Variants in FTCD observed in about 807,000 individuals in gnomAD.
FTCD encodes the protein formimidoyltransferase-cyclodeaminase.
Under a neutral mutation model 62.9 loss-of-function variants are expected in FTCD, and 76 were observed. That is an observed-to-expected ratio of 1.21 (90% CI 1.00 to 1.46). The LOEUF is 1.46. FTCD is among the 40% of genes most tolerant of loss of function. FTCD has a pLI of 0.00. For missense variants in FTCD, 845 were observed against 751.3 expected (o/e 1.12, Z -1.46); for synonymous variants, 397 against 336.9 (o/e 1.18, Z -1.95).
chr21:46,147,676 C>T (rs552772727), intron 7 of FTCD, among the ~76,000 whole-genome samples: 2 of 152,164 alleles, frequency 1.3e-5, no homozygotes, highest in South Asian at 4.2e-4. Flanking sequence ...CGGTGGCTCA[C>T]GCCTGTAATC....
At chr21:46,152,670 G>C in intron 3 of FTCD, 1 of 466,686 alleles carries the variant, frequency 2.1e-6, no homozygotes, top group Non-Finnish European at 3.8e-6. Context: ...AAGGCTCTTG[G>C]TTTGCCTGTG....
chr21:46,139,129 C>T lies in FTCD; in HGVS notation c.1261-206G>A, dbSNP rs527723107. 1.1e-4 allele frequency: 67 copies of T among 612,908 alleles called. No individual in the cohort carries two copies. In the African/African-American group the frequency reaches 1.2e-3, roughly 11 times the overall value. 38.0% of individuals were successfully genotyped at this position (612,908 alleles called of 1,614,324 possible). ...GGGTAGGGGGGGTCGGGGCACACAG[C>T]AGATGGTCAGAGACCCGGGGATGTG... On this transcript the variant is annotated intron_variant, in intron 10 of 13. Coordinates refer to ENST00000397746, the MANE Select transcript of FTCD (RefSeq NM_206965.2).
In FTCD at chr21:46,137,296, T is replaced by A; in HGVS notation, c.1482A>T (p.Ala494=). 2 of 1,613,902 alleles carry A rather than the reference T, an allele frequency of 1.2e-6. No homozygotes were observed. Among genetic ancestry groups the A allele is most frequent in the Non-Finnish European group, 1.7e-6 (2 of 1,180,004 alleles). The change falls in exon 13 of 14, where the codon GCA becomes GCT. Residue 494 remains alanine (A), a synonymous_variant. Coordinates refer to ENST00000397746, the MANE Select transcript of FTCD (RefSeq NM_206965.2). The part of the protein sequence containing the change: ...AKALEMGVFG[A]YFNVLINLRD... ...TCAGGTTGATGAGCACGTTGAAATA[T>A]GCGCCAAACACGCCCATCTCCAGGG... is the stretch of plus-strand genomic sequence containing the variant.
rs377001864 is a variant in FTCD at position 46,155,494 on chromosome 21, G to T, written c.30C>A (p.Asn10Lys). ...CCTCCTGGTTCTTCCCCTCCGAAAAGTTGGGGACGCATTCCACCAGCTGGG... is the reference window on the plus strand; with the variant it reads ...CCTCCTGGTTCTTCCCCTCCGAAAATTTGGGGACGCATTCCACCAGCTGGG... Reference protein sequence around the residue: MSQLVECVPNFSEGKNQEVI... With the variant: MSQLVECVPKFSEGKNQEVI... Residue 10 changes from asparagine (N) to lysine (K), a missense_variant, in exon 1 of 14, where the codon AAC becomes AAA. By Grantham distance (94) the Asn-to-Lys change is moderately conservative. Coordinates refer to ENST00000397746, the MANE Select transcript of FTCD (RefSeq NM_206965.2). The T allele has an allele frequency of 6.8e-6, 11 of 1,612,996 alleles. No homozygotes were observed. The South Asian group carries it at 1.2e-4, about 18-fold the overall frequency.
intron 5 of FTCD, 88 bp downstream of exon 5, chr21:46,151,470 C>G (rs1294807584): frequency 1.0e-6 from 1 of 979,646 alleles, no homozygotes; most frequent in Non-Finnish European, 1.4e-6. Context: ...TGCCCCATCC[C>G]CACCGACCTC....
intron 10 of FTCD, among the ~76,000 whole-genome samples, chr21:46,141,612 C>G (rs572868454): frequency 6.6e-6 from 1 of 151,744 alleles, no homozygotes; most frequent in Non-Finnish European, 1.5e-5. Flanking sequence ...ACACATTCCA[C>G]GACATAAAGA....
intron 3 of FTCD, 22 bp from the exon 4 acceptor site, chr21:46,152,002 A>G: frequency 1.3e-6 from 2 of 1,533,386 alleles, no homozygotes; most frequent in Non-Finnish European, 1.8e-6. Context: ...CCCGGCGGTC[A>G]GGCCTGGACC....
chr21:46,153,756 C>G (rs1326981980), intron 2 of FTCD, among the ~76,000 whole-genome samples: 1 of 152,236 alleles, frequency 6.6e-6, no homozygotes, highest in East Asian at 1.9e-4. Flanking sequence ...AGGTGTTTGG[C>G]TTGTGGGCTG....
chr21:46,146,127 G>C, intron 8 of FTCD, 139 bp downstream of exon 8: 1 of 763,030 alleles, frequency 1.3e-6, no homozygotes, highest in South Asian at 1.6e-5. Flanking sequence ...ACCCCGGCTT[G>C]GCGCAGGCCG....
chr21:46,153,429 C>T (rs1054986300), intron 2 of FTCD, among the ~76,000 whole-genome samples: 10 of 152,206 alleles, frequency 6.6e-5, no homozygotes, highest in African/African-American at 1.2e-4. Flanking sequence ...CAAGAGGGGG[C>T]GCTCGAGGCT....
intron 7 of FTCD, among the ~76,000 whole-genome samples, chr21:46,147,942 CAAAAAA>C (rs3057182): frequency 1.0e-5 from 1 of 96,178 alleles, no homozygotes; most frequent in Admixed American, 1.2e-4. Context: ...GGCTCCATCT[CAAAAAA>C]AAAAAAAAAA....
intron 4 of FTCD, 28 bp from the exon 5 acceptor site, chr21:46,151,765 A>T (rs1379648276): frequency 2.5e-6 from 4 of 1,610,816 alleles, no homozygotes; most frequent in Middle Eastern, 1.8e-4. Flanking sequence ...CTGGGGTGAG[A>T]CATCCCCCAC....
At chr21:46,155,438 C>G (rs901449181) in intron 1 of FTCD, 32 bp downstream of exon 1, 7 of 1,585,138 alleles carry the variant, frequency 4.4e-6, no homozygotes, top group South Asian at 1.1e-5. Context: ...CCCCATCAGC[C>G]CTAGATGCTT....
intron 10 of FTCD, among the ~76,000 whole-genome samples, chr21:46,144,222 C>G (rs570141061): frequency 6.6e-6 from 1 of 151,580 alleles, no homozygotes; most frequent in Non-Finnish European, 1.5e-5. Context: ...GGGCCACTAC[C>G]GGTCTCCGTG....
chr21:46,140,529 T>G (rs60965217), intron 10 of FTCD, among the ~76,000 whole-genome samples: 3,049 of 127,432 alleles, frequency 0.024, 62 homozygotes, highest in Middle Eastern at 0.033. Flanking sequence ...ACCTTCGCAT[T>G]GCTCAGAGGG....
chr21:46,138,975 A>G, intron 10 of FTCD, 52 bp from the exon 11 acceptor site: 4 of 1,406,140 alleles, frequency 2.8e-6, no homozygotes, highest in Non-Finnish European at 4.0e-6. Context: ...GGGAGCAGCC[A>G]TGCCCTCTGA....
chr21:46,153,119 C>T (rs1361510039), intron 2 of FTCD, 84 bp from the exon 3 acceptor site: 1 of 1,411,290 alleles, frequency 7.1e-7, no homozygotes, highest in African/African-American at 1.4e-5. Flanking sequence ...CCTCTGTCCT[C>T]TCCGGCCTGG....
rs200850490 is a variant in FTCD at position 46,136,985 on chromosome 21, C to T, written c.*2G>A. On this transcript the variant is annotated 3_prime_UTR_variant, in exon 14 of 14. Coordinates refer to ENST00000397746, the MANE Select transcript of FTCD (RefSeq NM_206965.2). ...CAGAGCCCGGAGAGGCCTCCCGCAC[C>T]GTCACTCCTGCCGGGTCTCCAAGCA... 1.7e-5 allele frequency: 28 copies of T among 1,612,988 alleles called. No individual in the cohort carries two copies. Among genetic ancestry groups the T allele is most frequent in the African/African-American group, 5.3e-5 (4 of 74,916 alleles).
intron 10 of FTCD, among the ~76,000 whole-genome samples, chr21:46,145,093 CTTGCTCCAGGTCTGTGGGG>C (rs2079109408): frequency 6.6e-6 from 1 of 152,208 alleles, no homozygotes; most frequent in Non-Finnish European, 1.5e-5. Context: ...AGGGCCCTGC[CTTGCTCCAGGTCTGTGGGG>C]TCCCCCAAGC....
Sources: allele counts gnomAD v4.1 joint callset (sites outside exome capture counted in the v4.1 genomes callset), GRCh38; gene constraint gnomAD v4.1.1; transcripts MANE v1.5; gene names NCBI Gene and HGNC (gene_info 2026-07-23, HGNC 2026-07-21).